UBAC2: variants seen among roughly 807,000 people sequenced by gnomAD.
The protein encoded by UBAC2 is UBA domain containing 2.
A neutral mutation model predicts 44.0 loss-of-function variants in UBAC2; 26 were observed. That is an observed-to-expected ratio of 0.59 (90% CI 0.43 to 0.82). The LOEUF (loss-of-function observed/expected upper bound fraction) is 0.82, where lower values mean the gene tolerates loss of function less well. UBAC2 is among the 40% of genes least tolerant of loss of function. The probability of loss-of-function intolerance (pLI) is 0.00; values close to 1 mark genes in which losing one functional copy is unlikely to be tolerated. For synonymous variants in UBAC2, 155 were observed against 154.3 expected (o/e 1.00, Z -0.04); for missense variants, 329 against 419.4 (o/e 0.78, Z 1.88).
At chr13:99,230,572 G>T (rs914976782) in intron 1 of UBAC2, among the ~76,000 whole-genome samples, 1 of 152,140 alleles carries the variant, frequency 6.6e-6, no homozygotes, top group African/African-American at 2.4e-5. Flanking sequence ...GTGTCAGCAG[G>T]GCTGCATTTC....
chr13:99,332,129 C>G (rs1025575231), intron 6 of UBAC2, among the ~76,000 whole-genome samples: 1 of 151,798 alleles, frequency 6.6e-6, no homozygotes, highest in African/African-American at 2.4e-5. Flanking sequence ...AATGTGGGAC[C>G]GGTGGTTGGC....
At chr13:99,363,194 A>G (rs953508327) in intron 7 of UBAC2, among the ~76,000 whole-genome samples, 2 of 151,996 alleles carry the variant, frequency 1.3e-5, no homozygotes, top group African/African-American at 4.8e-5. Flanking sequence ...TTCTGTTTGG[A>G]TTTTTTGCCT....
intron 7 of UBAC2, among the ~76,000 whole-genome samples, chr13:99,357,475 T>A (rs1594166499): frequency 6.6e-6 from 1 of 152,256 alleles, no homozygotes; most frequent in East Asian, 1.9e-4. Flanking sequence ...TTTCTCTGTG[T>A]CACAGCCTCC....
chr13:99,202,792 T>G (rs2042821086), intron 1 of UBAC2, among the ~76,000 whole-genome samples: 1 of 152,158 alleles, frequency 6.6e-6, no homozygotes, highest in Non-Finnish European at 1.5e-5. Flanking sequence ...CTCAGAAGGC[T>G]GTGTCTTACA....
At chr13:99,243,233 CTT>C (rs773750160) in intron 2 of UBAC2, among the ~76,000 whole-genome samples, 70 of 94,250 alleles carry the variant, frequency 7.4e-4, no homozygotes, top group East Asian at 5.1e-3. Context: ...TTGAGTAGCT[CTT>C]TTTTTTTTTT....
chr13:99,382,313 A>G (rs967581714), intron 8 of UBAC2, among the ~76,000 whole-genome samples: 1 of 152,266 alleles, frequency 6.6e-6, no homozygotes, highest in Non-Finnish European at 1.5e-5. Context: ...TTAAAAGGTC[A>G]GGTAGGATTT....
chr13:99,235,881 T>C (rs542664412), intron 1 of UBAC2, among the ~76,000 whole-genome samples: 1 of 151,874 alleles, frequency 6.6e-6, no homozygotes. Flanking sequence ...GGTGGGAGGA[T>C]CACTTGAGCC....
chr13:99,326,125 A>G (rs972096350), intron 6 of UBAC2, among the ~76,000 whole-genome samples: 1 of 152,194 alleles, frequency 6.6e-6, no homozygotes, highest in Non-Finnish European at 1.5e-5. Context: ...TGTTTTCCAT[A>G]GTTGCATCAT....
chr13:99,312,543 G>T (rs1432083179), intron 4 of UBAC2, among the ~76,000 whole-genome samples: 1 of 152,172 alleles, frequency 6.6e-6, no homozygotes, highest in Non-Finnish European at 1.5e-5. Context: ...TAGCTCCTGT[G>T]CTGGGCATCT....
intron 2 of UBAC2, among the ~76,000 whole-genome samples, chr13:99,242,188 T>G (rs2043310407): frequency 6.6e-6 from 1 of 152,216 alleles, no homozygotes; most frequent in African/African-American, 2.4e-5. Flanking sequence ...TTCCCCACCT[T>G]TCCCCCCCTT....
At chr13:99,232,982 T>C (rs983892235) in intron 1 of UBAC2, among the ~76,000 whole-genome samples, 6 of 152,280 alleles carry the variant, frequency 3.9e-5, no homozygotes, top group Middle Eastern at 3.4e-3. Context: ...GTTAAATTGT[T>C]AAATTTGAAT....
rs560520911 is a variant in UBAC2 at position 99,378,587 on chromosome 13, G to A, written c.928-6641G>A. 1.1e-4 allele frequency among the ~76,000 whole-genome samples: 16 copies of A among 152,272 alleles called. No individual in the cohort carries two copies. In the South Asian group the frequency reaches 2.7e-3, roughly 26 times the overall value. ...CTTCTTCTGGCTTACTGACAGACTC[G>A]AAGGTATATTTTTTACCTGTTAGGA... On this transcript the variant is annotated intron_variant, in intron 8 of 8. Coordinates refer to ENST00000403766, the MANE Select transcript of UBAC2 (RefSeq NM_001144072.2).
chr13:99,352,858 C>T (rs1157931896), intron 7 of UBAC2, among the ~76,000 whole-genome samples: 6 of 152,202 alleles, frequency 3.9e-5, no homozygotes, highest in South Asian at 4.2e-4. Context: ...GAGGCAGCAC[C>T]GTCGGAAACT....
intron 1 of UBAC2, among the ~76,000 whole-genome samples, chr13:99,223,542 G>GTT (rs145143990): frequency 0.019 from 1,173 of 62,336 alleles, 24 homozygotes; most frequent in Non-Finnish European, 0.025. Context: ...CTCTTTTTCT[G>GTT]TTTTTTTTTT....
intron 8 of UBAC2, among the ~76,000 whole-genome samples, chr13:99,381,148 G>A (rs2045545437): frequency 6.6e-6 from 1 of 152,232 alleles, no homozygotes; most frequent in Non-Finnish European, 1.5e-5. Flanking sequence ...ACCCAGCCCA[G>A]CCATCCCAGA....
At chr13:99,245,847 A>T (rs1030075470) in intron 4 of UBAC2, among the ~76,000 whole-genome samples, 1 of 152,000 alleles carries the variant, frequency 6.6e-6, no homozygotes, top group Non-Finnish European at 1.5e-5. Context: ...AAAACAAACA[A>T]AATACCCCCA....
At chr13:99,327,066 T>C (rs934801314) in intron 6 of UBAC2, among the ~76,000 whole-genome samples, 6 of 152,218 alleles carry the variant, frequency 3.9e-5, no homozygotes, top group African/African-American at 1.4e-4. Context: ...AGCTATGCTT[T>C]CTCTTCTAAA....
chr13:99,352,526 A>G (rs554926020), intron 7 of UBAC2, among the ~76,000 whole-genome samples: 1 of 152,320 alleles, frequency 6.6e-6, no homozygotes, highest in South Asian at 2.1e-4. Context: ...TGGTTTAGAT[A>G]GCAAGATCTG....
At chr13:99,373,176 T>G (rs560865498) in intron 8 of UBAC2, among the ~76,000 whole-genome samples, 14 of 147,038 alleles carry the variant, frequency 9.5e-5, no homozygotes, top group South Asian at 4.2e-4. Flanking sequence ...TTATTGTTTT[T>G]TTTTTTTTTT....
Sources: allele counts gnomAD v4.1 joint callset (sites outside exome capture counted in the v4.1 genomes callset), GRCh38; gene constraint gnomAD v4.1.1; transcripts MANE v1.5; gene names NCBI Gene and HGNC (gene_info 2026-07-23, HGNC 2026-07-21).